Variants in KDM3B observed in about 807,000 individuals in gnomAD.
The protein encoded by KDM3B is lysine-specific demethylase 3B.
A neutral mutation model predicts 170.0 loss-of-function variants in KDM3B; 10 were observed. That is an observed-to-expected ratio of 0.06 (90% CI 0.04 to 0.10). The LOEUF (loss-of-function observed/expected upper bound fraction) is 0.10, where lower values mean the gene tolerates loss of function less well. Ranked by LOEUF, KDM3B falls within the 10% of genes least tolerant of loss-of-function variation. The pLI, the probability that KDM3B is intolerant of heterozygous loss-of-function variation, is 1.00. For missense variants in KDM3B, 1,394 were observed against 2,195.2 expected (o/e 0.64, Z 7.29); for synonymous variants, 831 against 834.8 (o/e 1.00, Z 0.08).
At chr5:138,363,914 CTT>C (rs11409334) in intron 1 of KDM3B, among the ~76,000 whole-genome samples, 2 of 133,888 alleles carry the variant, frequency 1.5e-5, no homozygotes, top group African/African-American at 2.8e-5. Context: ...TTTAGTTTTT[CTT>C]TTTTTTTTTT....
intron 8 of KDM3B, 121 bp downstream of exon 8, chr5:138,392,382 G>C (rs1762457283): frequency 9.4e-7 from 1 of 1,063,978 alleles, no homozygotes; most frequent in Non-Finnish European, 1.2e-6. Flanking sequence ...TAGAATTACA[G>C]AGCCAAGAGG....
In KDM3B at chr5:138,436,345, T is replaced by C. The variant is rs1333721596; in HGVS notation, c.*645T>C. 2 of 152,230 alleles carry C rather than the reference T, an allele frequency of 1.3e-5. No homozygotes were observed. 9.4% of individuals were successfully genotyped at this position (152,230 alleles called of 1,614,324 possible). A position where few individuals can be genotyped will look rare whatever the true frequency, so the allele number is the denominator to read the frequency against. ...AGTTACTATTTCATGAAAGTAGATA[T>C]TTTTAGAATTTTTGAAATACCACAG... On this transcript the variant is annotated 3_prime_UTR_variant, in exon 24 of 24. Transcript: ENST00000314358.
chr5:138,353,802 A>G (rs552902685), intron 1 of KDM3B, among the ~76,000 whole-genome samples: 10 of 152,236 alleles, frequency 6.6e-5, no homozygotes, highest in African/African-American at 2.2e-4. Context: ...AAAGTTGTTC[A>G]GTCATACAAC....
chr5:138,364,848 C>T (rs79806241), intron 1 of KDM3B, among the ~76,000 whole-genome samples: 4,147 of 152,298 alleles, frequency 0.027, 83 homozygotes, highest in Middle Eastern at 0.037. Context: ...TCTGCAACCC[C>T]TGAAAGCACT....
At chr5:138,380,452 A>G (rs1762100027) in intron 5 of KDM3B, among the ~76,000 whole-genome samples, 1 of 151,510 alleles carries the variant, frequency 6.6e-6, no homozygotes, top group South Asian at 2.1e-4. Flanking sequence ...TTTTTACTTA[A>G]TTGTATATAG....
chr5:138,364,773 G>A (rs1048183924), intron 1 of KDM3B, among the ~76,000 whole-genome samples: 1 of 152,228 alleles, frequency 6.6e-6, no homozygotes, highest in Non-Finnish European at 1.5e-5. Flanking sequence ...AGAGGCTGAA[G>A]TGACTTGCTC....
chr5:138,356,453 G>A (rs1234685761), intron 1 of KDM3B, among the ~76,000 whole-genome samples: 1 of 151,890 alleles, frequency 6.6e-6, no homozygotes. Flanking sequence ...TAATTTTCAT[G>A]ACTATTTGTC....
chr5:138,431,216 CCAA>C (rs1763524506), intron 22 of KDM3B, among the ~76,000 whole-genome samples: 2 of 152,038 alleles, frequency 1.3e-5, no homozygotes, highest in Admixed American at 1.3e-4. Flanking sequence ...CCTCGGCCTC[CCAA>C]AGTGCTGGGA....
rs189686466 is a variant in KDM3B, at chr5:138,394,599, G to A, written c.2831+1227G>A. On this transcript the variant is annotated intron_variant, in intron 9 of 23. Coordinates refer to ENST00000314358, the MANE Select transcript of KDM3B (RefSeq NM_016604.4). ...ATCCCAAAGCTGGAGTATTTCTGGT[G>A]TGTCCATAAAGTTAGGTTGCTAAAA... 3.3e-5 allele frequency among the ~76,000 whole-genome samples: 5 copies of A among 152,284 alleles called. No individual in the cohort carries two copies. In the East Asian group the frequency reaches 9.6e-4, roughly 29 times the overall value.
chr5:138,379,698 C>G lies in KDM3B; in HGVS notation c.695C>G (p.Ser232Cys). The change falls in exon 5 of 24, where the codon TCT becomes TGT. Residue 232 changes from serine (S) to cysteine (C), a missense_variant. Physicochemically the swap from Ser to Cys is moderately radical, Grantham distance 112. Transcript: ENST00000314358. ...QDSITRLMEV[S>C]VTESGEIKSV... ...TCCATCACTCGTCTTATGGAGGTGT[C>G]TGTAACTGAGGTGAGACTCTGTGTT... 6.2e-7 allele frequency: 1 copy of G among 1,613,438 alleles called. No homozygotes were observed. The highest frequency in any genetic ancestry group is 8.5e-7 in the Non-Finnish European group (1 of 1,179,730).
At chr5:138,370,582 T>C (rs1245948093) in intron 1 of KDM3B, among the ~76,000 whole-genome samples, 1 of 152,220 alleles carries the variant, frequency 6.6e-6, no homozygotes, top group Non-Finnish European at 1.5e-5. Flanking sequence ...TTTATTAAGT[T>C]TTTAATGGAT....
intron 12 of KDM3B, 43 bp downstream of exon 12, chr5:138,415,282 T>C (rs760613726): frequency 6.9e-6 from 9 of 1,313,294 alleles, no homozygotes; most frequent in Non-Finnish European, 9.8e-6. Flanking sequence ...GAAATGTTTT[T>C]AGTTGAGATA....
chr5:138,372,682 A>G lies in KDM3B; in HGVS notation c.201A>G (p.Val67=), dbSNP rs1761903160. The G allele has an allele frequency of 6.2e-7, 1 of 1,613,096 alleles. No individual in the cohort carries two copies. The highest frequency in any genetic ancestry group is 1.3e-5 in the African/African-American group (1 of 75,012). The stretch of plus-strand genomic sequence containing the variant: ...CTTTTTATCTCTTGCAGATCTTTGT[A>G]GAATTTGATGGCTGTAACTGGAAGC... ...GAVPQDLAIF[V]EFDGCNWKQH... is the part of the protein sequence containing the mutation. The change falls in exon 2 of 24, where the codon GTA becomes GTG. Residue 67 remains valine, a synonymous_variant. Coordinates refer to ENST00000314358, the MANE Select transcript of KDM3B (RefSeq NM_016604.4).
In KDM3B at chr5:138,386,128, A is replaced by G; in HGVS notation, c.887A>G (p.Asp296Gly). 6.2e-7 allele frequency: 1 copy of G among 1,614,170 alleles called. No individual in the cohort carries two copies. Among genetic ancestry groups the G allele is most frequent in the Non-Finnish European group, 8.5e-7 (1 of 1,180,030 alleles). Residue 296 changes from aspartate to glycine, a missense_variant, in exon 7 of 24, where the codon GAC (aspartate) becomes GGC (glycine). Around this residue, in one of 19 missense-constraint regions of KDM3B, gnomAD observed 205 missense variants for 227.6 expected, o/e 0.90. Transcript: ENST00000314358. The part of the protein sequence containing the change: ...RRKSASDSGC[D>G]PASKKLKGDR... ...AAAAGTGCTTCGGACTCTGGGTGTG[A>G]CCCTGCATCAAAGAAATTAAAAGGA...
intron 16 of KDM3B, among the ~76,000 whole-genome samples, chr5:138,425,174 A>G (rs1763363619): frequency 6.6e-6 from 1 of 152,226 alleles, no homozygotes; most frequent in Non-Finnish European, 1.5e-5. Context: ...AATGGTAGGT[A>G]TTAGGGCAAC....
At chr5:138,388,871 A>G (rs901428111) in intron 7 of KDM3B, among the ~76,000 whole-genome samples, 16 of 152,396 alleles carry the variant, frequency 1.0e-4, no homozygotes, top group African/African-American at 3.6e-4. Context: ...CTGATCTAAA[A>G]TAAAGACAGA....
chr5:138,391,971 C>T lies in KDM3B; in HGVS notation c.2339C>T (p.Pro780Leu), dbSNP rs779878140. The T allele has an allele frequency of 7.4e-6, 12 of 1,613,122 alleles. No homozygotes were observed. The highest frequency in any genetic ancestry group is 4.5e-5 in the East Asian group (2 of 44,816). The change falls in exon 8 of 24, where the codon CCG becomes CTG. Residue 780 changes from proline to leucine, a missense_variant. This residue lies in a region of KDM3B where 84 missense variants were observed against 135.8 expected (regional missense o/e 0.62). Coordinates refer to ENST00000314358, the MANE Select transcript of KDM3B (RefSeq NM_016604.4). This position sits in a 1 kb window ranked among gnomAD's most constrained non-coding sequence, Gnocchi z 5.0. Reference sequence around the variant, plus strand: ...CACTCAGGCGGCTTTCTGTCCTCCCCGGCAGATTTTTCACAGGAGAACAAA... The same window carrying T: ...CACTCAGGCGGCTTTCTGTCCTCCCTGGCAGATTTTTCACAGGAGAACAAA... ...GRHSGGFLSSPADFSQENKAP... is the reference protein window; with the variant it reads ...GRHSGGFLSSLADFSQENKAP...
chr5:138,360,054 T>G (rs1483650073), intron 1 of KDM3B, among the ~76,000 whole-genome samples: 1 of 152,216 alleles, frequency 6.6e-6, no homozygotes, highest in African/African-American at 2.4e-5. Context: ...AGGTAGACTC[T>G]AAAATACCTC....
intron 11 of KDM3B, 41 bp downstream of exon 11, chr5:138,400,053 G>A: frequency 6.2e-7 from 1 of 1,607,082 alleles, no homozygotes; most frequent in Non-Finnish European, 8.5e-7. Flanking sequence ...AGGTAACGTG[G>A]AGGTATGTCC....
Sources: allele counts gnomAD v4.1 joint callset (sites outside exome capture counted in the v4.1 genomes callset), GRCh38; gene constraint gnomAD v4.1.1; regional missense constraint gnomAD v4.1.1; non-coding constraint Gnocchi (gnomAD v3.1); transcripts MANE v1.5; gene names NCBI Gene and HGNC (gene_info 2026-07-23, HGNC 2026-07-21).